The following MIR2052HG variants were observed in gnomAD, a reference collection of about 807,000 sequenced individuals.
MIR2052HG encodes MIR2052 host gene.
chr8:74,626,385 T>A (rs1476703155), intron 2 of MIR2052HG, among the ~76,000 whole-genome samples: 3 of 152,218 alleles, frequency 2.0e-5, no homozygotes, highest in Non-Finnish European at 4.4e-5. Flanking sequence ...TTATTTCCAT[T>A]AGTGTGCTAA....
At chr8:74,700,794 CTG>C (rs1202231573) in intron 2 of MIR2052HG, among the ~76,000 whole-genome samples, 1 of 152,022 alleles carries the variant, frequency 6.6e-6, no homozygotes, top group Non-Finnish European at 1.5e-5. Context: ...CAACCCATGA[CTG>C]TATCCTCTCT....
At chr8:74,698,395 A>C (rs763885277) in intron 2 of MIR2052HG, among the ~76,000 whole-genome samples, 1 of 152,254 alleles carries the variant, frequency 6.6e-6, no homozygotes, top group East Asian at 1.9e-4. Context: ...ACCTAAAACC[A>C]TAAAAATTCT....
chr8:74,692,960 A>G (rs1302446353), intron 2 of MIR2052HG, among the ~76,000 whole-genome samples: 2 of 152,232 alleles, frequency 1.3e-5, no homozygotes, highest in African/African-American at 4.8e-5. Context: ...TGAAAATTAA[A>G]ATATATCTTG....
intron 4 of MIR2052HG, among the ~76,000 whole-genome samples, chr8:74,734,620 C>A (rs1406217777): frequency 6.6e-6 from 1 of 152,214 alleles, no homozygotes; most frequent in Non-Finnish European, 1.5e-5. Flanking sequence ...TTATGAAACA[C>A]AGTATGATTT....
At chr8:74,651,507 A>G (rs1385813584) in intron 2 of MIR2052HG, among the ~76,000 whole-genome samples, 1 of 152,190 alleles carries the variant, frequency 6.6e-6, no homozygotes, top group Admixed American at 6.6e-5. Flanking sequence ...TTATTAAAGA[A>G]TCTTAAAACT....
chr8:74,660,066 A>T (rs1300894985), intron 2 of MIR2052HG, among the ~76,000 whole-genome samples: 2 of 152,210 alleles, frequency 1.3e-5, no homozygotes, highest in Admixed American at 1.3e-4. Flanking sequence ...TGGTTCTAAC[A>T]TGAGCATCTG....
At chr8:74,722,156 AACAG>A (rs1220376766) in intron 4 of MIR2052HG, among the ~76,000 whole-genome samples, 10 of 152,266 alleles carry the variant, frequency 6.6e-5, no homozygotes, top group East Asian at 3.9e-4. Flanking sequence ...CAGCCTGGGC[AACAG>A]ACAGAGTAAA....
At chr8:74,610,690 T>C (rs1330012027) in intron 1 of MIR2052HG, among the ~76,000 whole-genome samples, 1 of 152,058 alleles carries the variant, frequency 6.6e-6, no homozygotes, top group Non-Finnish European at 1.5e-5. Context: ...ACATGTACAG[T>C]TAATTGATTT....
chr8:74,624,010 A>T (rs965528885), intron 2 of MIR2052HG, among the ~76,000 whole-genome samples: 12 of 152,224 alleles, frequency 7.9e-5, no homozygotes, highest in Non-Finnish European at 1.6e-4. Context: ...TACATTTGGC[A>T]TTCTGGATGT....
At chr8:74,664,579 A>C (rs1808901280) in intron 2 of MIR2052HG, among the ~76,000 whole-genome samples, 1 of 152,010 alleles carries the variant, frequency 6.6e-6, no homozygotes, top group Admixed American at 6.6e-5. Flanking sequence ...GTGCAACAGC[A>C]CAATCTCGGC....
At chr8:74,705,296 T>C (rs1207390433) in intron 4 of MIR2052HG, among the ~76,000 whole-genome samples, 1 of 152,114 alleles carries the variant, frequency 6.6e-6, no homozygotes, top group Non-Finnish European at 1.5e-5. Context: ...CATTTTTTTT[T>C]CTAGTAAAAT....
intron 2 of MIR2052HG, among the ~76,000 whole-genome samples, chr8:74,666,326 A>G (rs1035513049): frequency 2.8e-4 from 43 of 152,320 alleles, no homozygotes; most frequent in African/African-American, 1.0e-3. Flanking sequence ...AGCACTTAAA[A>G]ATAAAAGCCC....
Position 74,685,061 on chromosome 8 carries a change from A to G in MIR2052HG, n.217-17318A>G, listed in dbSNP as rs779620422. 1.5e-4 allele frequency among the ~76,000 whole-genome samples: 23 copies of G among 152,200 alleles called. No homozygotes were observed. In the East Asian group the frequency reaches 1.7e-3, roughly 12 times the overall value. ...TTGCCTGTAAAATGAGGATTATGTC[A>G]TCTCTGAGATACTGTTGTGATGATC... On this transcript the variant is annotated intron_variant and non_coding_transcript_variant, in intron 2 of 6. Coordinates refer to ENST00000523442, the Ensembl canonical transcript of MIR2052HG.
chr8:74,609,728 TAATA>T (rs1357968688), intron 1 of MIR2052HG: 3 of 148,894 alleles, frequency 2.0e-5, no homozygotes, highest in Admixed American at 1.3e-4. Context: ...TTATTTATAA[TAATA>T]AATAAATAAT....
rs181709839 is a variant in MIR2052HG at position 74,704,157 on chromosome 8, G to T, written n.371+475G>T. Among the ~76,000 whole-genome samples the T allele has an allele frequency of 2.6e-5, 4 of 151,916 alleles. No homozygotes were observed. The East Asian group carries it at 5.8e-4, about 22-fold the overall frequency. On this transcript the variant is annotated intron_variant and non_coding_transcript_variant, in intron 4 of 6. Transcript: ENST00000523442. ...AATTTTCTAAAATTTATTTCTTTTC[G>T]TGGGTATCTGCAATGTGTGGAAGTT...
chr8:74,630,616 A>G (rs2128734059), intron 2 of MIR2052HG, among the ~76,000 whole-genome samples: 1 of 152,180 alleles, frequency 6.6e-6, no homozygotes, highest in East Asian at 1.9e-4. Flanking sequence ...CTAGCAAAAA[A>G]CATTCGACTG....
At chr8:74,752,371 T>C in intron 4 of MIR2052HG, 2 of 428,188 alleles carry the variant, frequency 4.7e-6, no homozygotes, top group South Asian at 1.7e-5. Flanking sequence ...TAAAAGAATT[T>C]GATAATCCTT....
chr8:74,728,004 T>C (rs762880571), intron 4 of MIR2052HG, among the ~76,000 whole-genome samples: 3 of 152,252 alleles, frequency 2.0e-5, no homozygotes, highest in Non-Finnish European at 4.4e-5. Context: ...TTCTTCTATA[T>C]CTGCTGTACC....
chr8:74,748,620 T>A (rs768827262), intron 4 of MIR2052HG, among the ~76,000 whole-genome samples: 1 of 152,222 alleles, frequency 6.6e-6, no homozygotes, highest in South Asian at 2.1e-4. Flanking sequence ...TTGAATTTTG[T>A]CTCATGGAGC....
Sources: allele counts gnomAD v4.1 joint callset (sites outside exome capture counted in the v4.1 genomes callset), GRCh38; gene constraint gnomAD v4.1.1; transcripts MANE v1.5; gene names NCBI Gene and HGNC (gene_info 2026-07-23, HGNC 2026-07-21).